Variants in DLG5 observed in about 807,000 individuals in gnomAD.
The protein encoded by DLG5 is disks large homolog 5.
A neutral mutation model predicts 189.8 loss-of-function variants in DLG5; 48 were observed. The ratio of observed to expected loss-of-function variants is 0.25; its 90% CI spans 0.20 to 0.32. The LOEUF (loss-of-function observed/expected upper bound fraction) is 0.32, where lower values mean the gene tolerates loss of function less well. Among genes scored for constraint, DLG5 ranks in the 10% least tolerant of loss-of-function variants. The pLI, the probability that DLG5 is intolerant of heterozygous loss-of-function variation, is 1.00. For missense variants in DLG5, 2,160 were observed against 2,544.7 expected (o/e 0.85, Z 3.25); for synonymous variants, 1,016 against 1,054.1 (o/e 0.96, Z 0.70).
chr10:77,916,629 C>T (rs561856356), intron 1 of DLG5, among the ~76,000 whole-genome samples: 5 of 152,050 alleles, frequency 3.3e-5, no homozygotes, highest in South Asian at 2.1e-4. Flanking sequence ...AAAGAAAATG[C>T]TATCCACCCC....
intron 1 of DLG5, among the ~76,000 whole-genome samples, chr10:77,880,962 C>CTTTTTTT (rs61636782): frequency 6.8e-5 from 5 of 73,278 alleles, no homozygotes; most frequent in Non-Finnish European, 7.1e-5. Context: ...AACCCTAGAC[C>CTTTTTTT]TTTTTTTTTT....
chr10:77,878,960 G>A (rs377174175), intron 1 of DLG5, among the ~76,000 whole-genome samples: 4 of 152,210 alleles, frequency 2.6e-5, no homozygotes, highest in South Asian at 2.1e-4. Flanking sequence ...TTCGCCAAAC[G>A]CTGGGTTAAT....
rs549266880 is a variant in DLG5 at position 77,797,960 on chromosome 10, G to A, written c.5165-1366C>T. Reference sequence around the variant, plus strand: ...CCAGCACTTTGGGAGGCTGAGGCAGGTGGATCGCTTGAGGTCAAGAGTTTG... The same window carrying A: ...CCAGCACTTTGGGAGGCTGAGGCAGATGGATCGCTTGAGGTCAAGAGTTTG... On this transcript the variant is annotated intron_variant, in intron 27 of 31. Coordinates refer to ENST00000372391, the MANE Select transcript of DLG5 (RefSeq NM_004747.4). 3.9e-5 allele frequency among the ~76,000 whole-genome samples: 6 copies of A among 152,290 alleles called. No homozygotes were observed. The East Asian group carries it at 9.7e-4, about 24-fold the overall frequency.
chr10:77,857,423 C>CGGCTCCCTTTTTGCAA (rs1554824323), intron 2 of DLG5, among the ~76,000 whole-genome samples: 1 of 152,238 alleles, frequency 6.6e-6, no homozygotes, highest in Non-Finnish European at 1.5e-5. Context: ...GGACAGTGCA[C>CGGCTCCCTTTTTGCAA]GGCTCCCTTT....
intron 1 of DLG5, among the ~76,000 whole-genome samples, chr10:77,897,329 C>G (rs907223346): frequency 3.3e-5 from 5 of 152,034 alleles, no homozygotes; most frequent in African/African-American, 1.2e-4. Context: ...GCACTCCAGC[C>G]TGGGCAACAG....
intron 1 of DLG5, among the ~76,000 whole-genome samples, chr10:77,923,555 T>C (rs1161983993): frequency 6.6e-6 from 1 of 152,170 alleles, no homozygotes. Flanking sequence ...GCTCAGGAGT[T>C]CGAGACCATC....
At chr10:77,844,506 C>A (rs2154576395) in intron 5 of DLG5, among the ~76,000 whole-genome samples, 1 of 152,322 alleles carries the variant, frequency 6.6e-6, no homozygotes, top group East Asian at 1.9e-4. Context: ...GACCTAAAGA[C>A]TCTCAAAAGC....
At chr10:77,806,201 G>A (rs1841463141) in intron 26 of DLG5, 1 of 315,414 alleles carries the variant, frequency 3.2e-6, no homozygotes, top group Non-Finnish European at 5.8e-6. Flanking sequence ...ATGCAGGGAT[G>A]CAGGCTGCCT....
At chr10:77,851,889 G>A (rs978827029) in intron 5 of DLG5, among the ~76,000 whole-genome samples, 27 of 152,188 alleles carry the variant, frequency 1.8e-4, no homozygotes, top group African/African-American at 6.0e-4. Context: ...CGCCCCAGAG[G>A]GGATATCACA....
At position 77,926,306 on chromosome 10, in the gene DLG5, C is replaced by A; in HGVS notation, c.215G>T (p.Arg72Leu). ...AKERDHFQDL[R>L]AALEKTQPHL... ...AGGCTGCGTCTTCTCCAGCGCCGCC[C>A]GCAGGTCCTGGAAGTGGTCCCGCTC... The change falls in exon 1 of 32, where the codon CGG becomes CTG. Residue 72 changes from arginine (R) to leucine (L), a missense_variant. Physicochemically the swap from Arg to Leu is moderately radical, Grantham distance 102 (BLOSUM62 -2). Transcript: ENST00000372391. The surrounding 1 kb of genome is among the most constrained non-coding windows in gnomAD (Gnocchi z 5.2). The A allele has an allele frequency of 6.3e-7, 1 of 1,599,026 alleles. No individual in the cohort carries two copies. Among genetic ancestry groups the A allele is most frequent in the East Asian group, 2.3e-5 (1 of 44,046 alleles).
intron 27 of DLG5, among the ~76,000 whole-genome samples, chr10:77,804,093 T>C (rs930236114): frequency 2.6e-5 from 4 of 152,116 alleles, no homozygotes; most frequent in African/African-American, 9.7e-5. Flanking sequence ...GGTTTCACCA[T>C]GTTGGCCAGG....
chr10:77,843,778 T>C, intron 5 of DLG5, 72 bp from the exon 6 acceptor site: 12 of 1,594,466 alleles, frequency 7.5e-6, no homozygotes, highest in South Asian at 6.7e-5. Context: ...CTCTCACTTT[T>C]GTCTATCTGA....
chr10:77,888,436 C>T (rs772736218), intron 1 of DLG5, among the ~76,000 whole-genome samples: 24 of 152,002 alleles, frequency 1.6e-4, no homozygotes, highest in Non-Finnish European at 3.4e-4. Context: ...AAAGAATGTG[C>T]AAAAAACCAT....
chr10:77,856,708 G>A lies in DLG5; in HGVS notation c.536+22C>T, dbSNP rs201591074. On this transcript the variant is annotated intron_variant, in intron 3 of 31. Transcript: ENST00000372391. ...TAATCCCAACCATGGGGCCTGGGCA[G>A]GGGAGACGGCGCAATTACTACCTCT... 3.4e-5 allele frequency: 54 copies of A among 1,608,594 alleles called. No individual in the cohort carries two copies. In the East Asian group the frequency reaches 1.2e-3, roughly 35 times the overall value.
chr10:77,903,122 T>C (rs1179882165), intron 1 of DLG5, among the ~76,000 whole-genome samples: 1 of 152,136 alleles, frequency 6.6e-6, no homozygotes, highest in African/African-American at 2.4e-5. Flanking sequence ...TTATTTAAAA[T>C]AGTGTATAAA....
At chr10:77,912,777 C>T (rs970484962) in intron 1 of DLG5, among the ~76,000 whole-genome samples, 1 of 152,252 alleles carries the variant, frequency 6.6e-6, no homozygotes, top group African/African-American at 2.4e-5. Context: ...TCTGCAGCCT[C>T]TGGCTCCAGC....
chr10:77,918,809 CTA>C (rs982516450), intron 1 of DLG5, among the ~76,000 whole-genome samples: 4 of 152,162 alleles, frequency 2.6e-5, no homozygotes, highest in Non-Finnish European at 4.4e-5. Context: ...CCCTCTTTCT[CTA>C]TGTTTGCTAC....
At position 77,899,962 on chromosome 10, in the gene DLG5, A is replaced by G. The variant is rs78550635; in HGVS notation, c.304+26255T>C. On this transcript the variant is annotated intron_variant, in intron 1 of 31. Coordinates refer to ENST00000372391, the MANE Select transcript of DLG5 (RefSeq NM_004747.4). Reference sequence around the variant, plus strand: ...TCAATTTCATCCTCCACAACCTTCTACGGCTCCCTCTGGCCTAAAGTCAAA... The same window carrying G: ...TCAATTTCATCCTCCACAACCTTCTGCGGCTCCCTCTGGCCTAAAGTCAAA... Among the ~76,000 whole-genome samples the G allele has an allele frequency of 1.7e-3, 263 of 152,254 alleles. 1 individual carries two copies. Among genetic ancestry groups the G allele is most frequent in the African/African-American group, 6.0e-3 (248 of 41,550 alleles).
At chr10:77,839,428 C>T (rs2154576223) in intron 7 of DLG5, among the ~76,000 whole-genome samples, 1 of 152,106 alleles carries the variant, frequency 6.6e-6, no homozygotes, top group South Asian at 2.1e-4. Flanking sequence ...TGGAACCCGG[C>T]AGGTGGAGGT....
Sources: allele counts gnomAD v4.1 joint callset (sites outside exome capture counted in the v4.1 genomes callset), GRCh38; gene constraint gnomAD v4.1.1; non-coding constraint Gnocchi (gnomAD v3.1); transcripts MANE v1.5; gene names NCBI Gene and HGNC (gene_info 2026-07-23, HGNC 2026-07-21).